Variants in TENM3 observed in about 807,000 individuals in gnomAD.
TENM3 encodes the protein teneurin-3.
Under a neutral mutation model 255.1 loss-of-function variants are expected in TENM3, and 63 were observed. The observed-to-expected ratio is 0.25, with a 90% CI of 0.20 to 0.30. TENM3 has a LOEUF of 0.30. Among genes scored for constraint, TENM3 ranks in the 10% least tolerant of loss-of-function variants. TENM3 has a pLI of 1.00. For missense variants in TENM3, 2,929 were observed against 3,461.1 expected (o/e 0.85, Z 3.86); for synonymous variants, 1,306 against 1,322.3 (o/e 0.99, Z 0.27).
intron 3 of TENM3, among the ~76,000 whole-genome samples, chr4:182,521,506 G>A (rs1267663272): frequency 6.6e-6 from 1 of 152,176 alleles, no homozygotes; most frequent in Non-Finnish European, 1.5e-5. Flanking sequence ...CCACAGGTTG[G>A]CTGCAGAAGG....
chr4:182,594,683 G>GGTGTGTGTGTGTGTGTGT (rs67667219), intron 3 of TENM3, among the ~76,000 whole-genome samples: 11 of 138,166 alleles, frequency 8.0e-5, no homozygotes, highest in African/African-American at 3.1e-4. Context: ...TTTTTGTTTT[G>GGTGTGTGTGTGTGTGTGT]GTGTGTGTGT....
At chr4:182,547,920 T>C (rs1328019156) in intron 3 of TENM3, among the ~76,000 whole-genome samples, 4 of 152,000 alleles carry the variant, frequency 2.6e-5, no homozygotes, top group Non-Finnish European at 5.9e-5. Flanking sequence ...GCCATCTCTC[T>C]GAAAAAAAAT....
At chr4:181,847,134 C>A in the TENM3 span, among the ~76,000 whole-genome samples, 1 of 152,164 alleles carries the variant, frequency 6.6e-6, no homozygotes, top group Non-Finnish European at 1.5e-5. Context: ...AAATTCATGG[C>A]TTCACAATTT....
intron 1 of TENM3, among the ~76,000 whole-genome samples, chr4:182,237,655 C>A (rs985231827): frequency 1.3e-5 from 2 of 152,082 alleles, no homozygotes; most frequent in African/African-American, 4.8e-5. Context: ...CTTTTGGGGT[C>A]TTAGAAAAGT....
intron 3 of TENM3, among the ~76,000 whole-genome samples, chr4:182,518,197 A>G (rs1428079233): frequency 1.3e-5 from 2 of 152,148 alleles, no homozygotes; most frequent in African/African-American, 4.8e-5. Context: ...GAAACACTCA[A>G]ATCATCAGGA....
chr4:181,608,827 C>T, the TENM3 span, among the ~76,000 whole-genome samples: 11 of 152,292 alleles, frequency 7.2e-5, no homozygotes, highest in African/African-American at 2.6e-4. Flanking sequence ...TGGAGCCTGA[C>T]ATTGGAAAAG....
chr4:182,465,806 A>G (rs1732529819), intron 3 of TENM3, among the ~76,000 whole-genome samples: 1 of 152,204 alleles, frequency 6.6e-6, no homozygotes, highest in South Asian at 2.1e-4. Context: ...AGTTTTTATA[A>G]TACTGTAACT....
chr4:182,078,740 G>A, the TENM3 span, among the ~76,000 whole-genome samples: 582 of 152,232 alleles, frequency 3.8e-3, 7 homozygotes, highest in South Asian at 0.034. Context: ...AGCTGGGGGT[G>A]GGGAGCAGAG....
chr4:182,799,999 C>T lies in TENM3; in HGVS notation c.7748C>T (p.Thr2583Ile), dbSNP rs761421990. ...NGINVTVSQS[T>I]TVVNGRTRRF... ...ATCAACGTGACGGTGTCGCAGTCCA[C>T]CACGGTGGTGAACGGCAGGACGCGC... Residue 2583 changes from threonine to isoleucine, a missense_variant, in exon 28 of 28, where the codon ACC (threonine) becomes ATC (isoleucine). Thr to Ile is a moderately conservative substitution (Grantham distance 89, BLOSUM62 -1). Transcript: ENST00000511685. The surrounding 1 kb of genome is among the most constrained non-coding windows in gnomAD (Gnocchi z 4.2). 6.3e-7 allele frequency: 1 copy of T among 1,593,646 alleles called. No individual in the cohort carries two copies. The highest frequency in any genetic ancestry group is 8.5e-7 in the Non-Finnish European group (1 of 1,170,926).
chr4:182,646,368 T>C (rs532954223), intron 5 of TENM3, among the ~76,000 whole-genome samples: 1 of 152,122 alleles, frequency 6.6e-6, no homozygotes, highest in Non-Finnish European at 1.5e-5. Flanking sequence ...AAAGTATTGA[T>C]GATGTGTGGC....
At chr4:181,954,831 A>C in the TENM3 span, among the ~76,000 whole-genome samples, 2 of 152,162 alleles carry the variant, frequency 1.3e-5, no homozygotes, top group African/African-American at 4.8e-5. Flanking sequence ...TTGAGTTTTC[A>C]TGATTGGATC....
chr4:182,213,637 CAT>C (rs1298149241), intron 1 of TENM3, among the ~76,000 whole-genome samples: 5 of 152,094 alleles, frequency 3.3e-5, no homozygotes. Flanking sequence ...CATATGAAGA[CAT>C]ATTTAATGTC....
At chr4:182,065,916 CCAGCAA>C in the TENM3 span, among the ~76,000 whole-genome samples, 1 of 152,180 alleles carries the variant, frequency 6.6e-6, no homozygotes. Context: ...GACTGTGATC[CCAGCAA>C]TATGCTTTTG....
chr4:182,527,504 A>C (rs888127100), intron 3 of TENM3, among the ~76,000 whole-genome samples: 7 of 152,074 alleles, frequency 4.6e-5, no homozygotes, highest in Non-Finnish European at 8.8e-5. Context: ...AAAAAAAAAA[A>C]ACCTAATGAT....
chr4:182,624,706 G>A (rs1186618990), intron 4 of TENM3, among the ~76,000 whole-genome samples: 1 of 152,144 alleles, frequency 6.6e-6, no homozygotes, highest in African/African-American at 2.4e-5. Context: ...AAACCGGTAA[G>A]AGACTCAAGC....
the TENM3 span, among the ~76,000 whole-genome samples, chr4:181,908,034 T>C: frequency 6.6e-6 from 1 of 152,210 alleles, no homozygotes; most frequent in Non-Finnish European, 1.5e-5. Flanking sequence ...GCTATACAAG[T>C]TCTATTTTTA....
chr4:182,297,943 G>A (rs996324798), intron 1 of TENM3, among the ~76,000 whole-genome samples: 2 of 152,156 alleles, frequency 1.3e-5, no homozygotes, highest in African/African-American at 4.8e-5. Context: ...CATAGCCTGC[G>A]CTGCTCCCAC....
chr4:182,590,428 G>A (rs1031549578), intron 3 of TENM3, among the ~76,000 whole-genome samples: 17 of 149,910 alleles, frequency 1.1e-4, no homozygotes, highest in East Asian at 6.0e-4. Context: ...ACTTGAGCCC[G>A]GGAGTTCTAG....
At position 182,793,796 on chromosome 4, in the gene TENM3, T is replaced by C. The variant is rs370418844; in HGVS notation, c.7124T>C (p.Ile2375Thr). 60 of 1,613,834 alleles carry C rather than the reference T, an allele frequency of 3.7e-5. No individual in the cohort carries two copies. Among genetic ancestry groups the C allele is most frequent in the Non-Finnish European group, 4.7e-5 (55 of 1,179,856 alleles). ...CCTGACATAGAAATCTGGAAAAGAA[T>C]TGGGAAGGACCCAGCTCCTTTTAAC... Reference protein sequence around the residue: ...TTPDIEIWKRIGKDPAPFNLY... With the variant: ...TTPDIEIWKRTGKDPAPFNLY... Residue 2375 changes from isoleucine to threonine, a missense_variant, in exon 26 of 28, where the codon ATT (isoleucine) becomes ACT (threonine). Coordinates refer to ENST00000511685, the MANE Select transcript of TENM3 (RefSeq NM_001080477.4). The surrounding 1 kb of genome is among the most constrained non-coding windows in gnomAD (Gnocchi z 5.7).
Sources: allele counts gnomAD v4.1 joint callset (sites outside exome capture counted in the v4.1 genomes callset), GRCh38; gene constraint gnomAD v4.1.1; non-coding constraint Gnocchi (gnomAD v3.1); transcripts MANE v1.5; gene names NCBI Gene and HGNC (gene_info 2026-07-23, HGNC 2026-07-21).